The following PML variants were observed in gnomAD, a reference collection of about 807,000 sequenced individuals.
PML encodes PML nuclear body scaffold, also known as protein PML.
Under a neutral mutation model 65.2 loss-of-function variants are expected in PML, and 28 were observed. The ratio of observed to expected loss-of-function variants is 0.43; its 90% confidence interval spans 0.32 to 0.59. The LOEUF is 0.59. Among genes scored for constraint, PML ranks in the 20% least tolerant of loss-of-function variants. The pLI is 0.08. For synonymous variants in PML, 500 were observed against 508.8 expected, an observed-to-expected ratio of 0.98 and a Z score of 0.23; for missense variants, 1,021 against 1,203.4, an observed-to-expected ratio of 0.85 and a Z score of 2.24.
At chr15:74,015,020 C>G (rs1453177662) in intron 2 of PML, among the ~76,000 whole-genome samples, 1 of 152,198 alleles carries the variant, frequency 6.6e-6, no homozygotes, top group Non-Finnish European at 1.5e-5. Context: ...AAACTTTCTC[C>G]TCCCCATTCC....
At chr15:73,996,512 A>G (rs1427473701) in intron 1 of PML, among the ~76,000 whole-genome samples, 1 of 152,230 alleles carries the variant, frequency 6.6e-6, no homozygotes, top group Non-Finnish European at 1.5e-5. Flanking sequence ...TTTGGTGAAT[A>G]GAGGTTGTCT....
chr15:74,022,805 A>G, intron 2 of PML, 23 bp from the exon 3 acceptor site: 1 of 1,608,680 alleles, frequency 6.2e-7, no homozygotes, highest in Non-Finnish European at 8.5e-7. Context: ...GTCCTAACCC[A>G]GGCCAACCTT....
chr15:74,003,063 G>A (rs927009357), intron 2 of PML, among the ~76,000 whole-genome samples: 21 of 152,156 alleles, frequency 1.4e-4, no homozygotes, highest in African/African-American at 4.1e-4. Context: ...GAGCCTGTCC[G>A]TTCAAGGATG....
intron 7 of PML, among the ~76,000 whole-genome samples, chr15:74,040,613 C>T (rs542233852): frequency 6.6e-6 from 1 of 152,330 alleles, no homozygotes; most frequent in South Asian, 2.1e-4. Flanking sequence ...TGCGTCAGCA[C>T]TCCCCAGCTG....
Position 74,037,792 on chromosome 15 carries a change from G to A in PML, c.1710+3262G>A, listed in dbSNP as rs2071605799. The A allele has an allele frequency of 1.2e-6, 1 of 857,972 alleles. No individual in the cohort carries two copies. Among genetic ancestry groups the A allele is most frequent in the Non-Finnish European group, 1.4e-6 (1 of 713,656 alleles). The allele number at this position is 857,972 out of a possible 1,614,324, so 53.1% of individuals were successfully genotyped here. A position where few individuals can be genotyped will look rare whatever the true frequency, so the allele number is the denominator to read the frequency against. The stretch of plus-strand genomic sequence containing the variant: ...GTTGTGGTGCTCCTGCAGGTTTGCT[G>A]CTGGGCCCTTTCCTCTTTTCAGTCT... On this transcript the variant is annotated intron_variant, in intron 7 of 8. Transcript: ENST00000268058. This position sits in a 1 kb window ranked among gnomAD's most constrained non-coding sequence, Gnocchi z 4.2.
At position 74,044,979 on chromosome 15, in the gene PML, T is replaced by G; in HGVS notation, c.2620T>G (p.Leu874Val). Residue 874 changes from leucine (L) to valine (V), a missense_variant, in exon 9 of 9, where the codon TTG (leucine) becomes GTG (valine). Physicochemically the swap from Leu to Val is conservative, Grantham distance 32. Coordinates refer to ENST00000268058, the MANE Select transcript of PML (RefSeq NM_033238.3). ...CTCCACCCCACTTGCTGGCCGTGGC[T>G]TGGCAGAGAGGGCCTCCCAGCAGAG... ...GVSTPLAGRGLAERASQQS is the reference protein window; with the variant it reads ...GVSTPLAGRGVAERASQQS 6.2e-7 allele frequency: 1 copy of G among 1,608,290 alleles called. No homozygotes were observed. The highest frequency in any genetic ancestry group is 8.5e-7 in the Non-Finnish European group (1 of 1,178,412).
In PML at chr15:74,047,185, G is replaced by T. The variant is rs1409981541; in HGVS notation, c.*2177G>T. On this transcript the variant is annotated 3_prime_UTR_variant, in exon 9 of 9. Coordinates refer to ENST00000268058, the MANE Select transcript of PML (RefSeq NM_033238.3). ...CTCTGTGTTCCTTGAGTGACAGGTG[G>T]TAAAACCCTTAAAAAGGGAGGTGTG... The T allele has an allele frequency of 4.3e-6, 1 of 231,084 alleles. No homozygotes were observed. The highest frequency in any genetic ancestry group is 8.6e-6 in the Non-Finnish European group (1 of 116,756). 14.3% of individuals were successfully genotyped at this position (231,084 alleles called of 1,614,324 possible). A position where few individuals can be genotyped will look rare whatever the true frequency, so the allele number is the denominator to read the frequency against.
In PML at chr15:74,006,410, AG is replaced by A. The variant is rs1477930860; in HGVS notation, c.602+7935del. Among the ~76,000 whole-genome samples, 12 of 147,424 alleles carry A rather than the reference AG, an allele frequency of 8.1e-5. No homozygotes were observed. In the East Asian group the frequency reaches 1.8e-3, roughly 22 times the overall value. ...CGTCTCAAAAAAAAAAAAAAAAAAA[AG>A]AAAGAAAAACAGGAGCTTTTTAGCA... is the stretch of plus-strand genomic sequence containing the variant. On this transcript the variant is annotated intron_variant, in intron 2 of 8. Transcript: ENST00000268058.
chr15:74,042,161 C>A lies in PML; in HGVS notation c.1711-828C>A, dbSNP rs533986247. Among the ~76,000 whole-genome samples the A allele has an allele frequency of 9.8e-5, 15 of 152,338 alleles. No individual in the cohort carries two copies. In the South Asian group the frequency reaches 2.7e-3, roughly 27 times the overall value. ...GGAGCCCTTCCCTCATCCTCTGGCTCCCCACCCCATGGCTTCTCGAACAGT... is the reference window on the plus strand; with the variant it reads ...GGAGCCCTTCCCTCATCCTCTGGCTACCCACCCCATGGCTTCTCGAACAGT... On this transcript the variant is annotated intron_variant, in intron 7 of 8. Transcript: ENST00000268058. This position sits in a 1 kb window ranked among gnomAD's most constrained non-coding sequence, Gnocchi z 5.3.
At chr15:73,998,987 A>G (rs1339062285) in intron 2 of PML, among the ~76,000 whole-genome samples, 2 of 152,214 alleles carry the variant, frequency 1.3e-5, no homozygotes, top group Non-Finnish European at 2.9e-5. Flanking sequence ...AATCACATCC[A>G]GTTGTAATTA....
chr15:74,001,235 T>C (rs1056447182), intron 2 of PML, among the ~76,000 whole-genome samples: 12 of 152,198 alleles, frequency 7.9e-5, no homozygotes, highest in African/African-American at 2.9e-4. Flanking sequence ...CTTCTTTCTG[T>C]TTGATCATTT....
rs781633419 is a variant in PML, at chr15:73,998,398, G to C, written c.524G>C (p.Arg175Pro). 2.5e-6 allele frequency: 4 copies of C among 1,613,932 alleles called. No individual in the cohort carries two copies. The highest frequency in any genetic ancestry group is 2.5e-6 in the Non-Finnish European group (3 of 1,179,948). ...PLAELRNQSVREFLDGTRKTN... is the reference protein window; with the variant it reads ...PLAELRNQSVPEFLDGTRKTN... Reference sequence around the variant, plus strand: ...GCAGAGCTGCGCAACCAGTCGGTGCGTGAGTTCCTGGACGGCACCCGCAAG... The same window carrying C: ...GCAGAGCTGCGCAACCAGTCGGTGCCTGAGTTCCTGGACGGCACCCGCAAG... Residue 175 changes from arginine to proline, a missense_variant, in exon 2 of 9, where the codon CGT becomes CCT. Coordinates refer to ENST00000268058, the MANE Select transcript of PML (RefSeq NM_033238.3).
intron 2 of PML, among the ~76,000 whole-genome samples, chr15:74,012,288 GC>G (rs1289137166): frequency 1.3e-5 from 2 of 152,198 alleles, no homozygotes; most frequent in Non-Finnish European, 2.9e-5. Context: ...CAATTCTCCT[GC>G]CTCAGCATCC....
Position 74,042,256 on chromosome 15 carries a change from A to G in PML, c.1711-733A>G. On this transcript the variant is annotated intron_variant, in intron 7 of 8. Transcript: ENST00000268058. The surrounding 1 kb of genome is among the most constrained non-coding windows in gnomAD (Gnocchi z 5.3). ...GGACTCCCAAAACTCAGGTTTCTCT[A>G]AGCTGCTGGGGCAGATGCCAAGAGC... 7 of 580,046 alleles carry G rather than the reference A, an allele frequency of 1.2e-5. No homozygotes were observed. The highest frequency in any genetic ancestry group is 1.5e-5 in the Non-Finnish European group (7 of 459,528). 35.9% of individuals were successfully genotyped at this position (580,046 alleles called of 1,614,324 possible).
Position 74,037,169 on chromosome 15 carries a change from A to C in PML, c.1710+2639A>C. 1 of 985,416 alleles carries C rather than the reference A, an allele frequency of 1.0e-6. No homozygotes were observed. The highest frequency in any genetic ancestry group is 1.2e-6 in the Non-Finnish European group (1 of 829,924). The allele number at this position is 985,416 out of a possible 1,614,324, so 61.0% of individuals were successfully genotyped here. On this transcript the variant is annotated intron_variant, in intron 7 of 8. Coordinates refer to ENST00000268058, the MANE Select transcript of PML (RefSeq NM_033238.3). This position sits in a 1 kb window ranked among gnomAD's most constrained non-coding sequence, Gnocchi z 4.2. ...AGCATGTCCTTTTGCTCTGCAGGGC[A>C]GCCCCCGCCTGCCTTTCTTCACTGG...
At position 73,998,306 on chromosome 15, in the gene PML, G is replaced by A. The variant is rs1299821703; in HGVS notation, c.432G>A (p.Glu144=). ...ESADFWCFEC[E]QLLCAKCFEA... ...CCGACTTCTGGTGCTTTGAGTGCGA[G>A]CAGCTCCTCTGCGCCAAGTGCTTCG... Residue 144 remains glutamate (E), a synonymous_variant, in exon 2 of 9, where the codon GAG becomes GAA. Coordinates refer to ENST00000268058, the MANE Select transcript of PML (RefSeq NM_033238.3). 8.1e-6 allele frequency: 13 copies of A among 1,614,212 alleles called. No individual in the cohort carries two copies. The highest frequency in any genetic ancestry group is 1.1e-5 in the Non-Finnish European group (13 of 1,180,040).
chr15:74,037,826 TC>T lies in PML; in HGVS notation c.1710+3299del. On this transcript the variant is annotated intron_variant, in intron 7 of 8. Coordinates refer to ENST00000268058, the MANE Select transcript of PML (RefSeq NM_033238.3). This position sits in a 1 kb window ranked among gnomAD's most constrained non-coding sequence, Gnocchi z 4.2. ...TTTCCTCTTTTCAGTCTGTGTATTC[TC>T]CCAGGTGCTCTCAGCCACGCCCCTG... 3.4e-6 allele frequency: 2 copies of T among 590,972 alleles called. No individual in the cohort carries two copies. The highest frequency in any genetic ancestry group is 4.3e-6 in the Non-Finnish European group (2 of 469,634). 36.6% of individuals were successfully genotyped at this position (590,972 alleles called of 1,614,324 possible). A position where few individuals can be genotyped will look rare whatever the true frequency, so the allele number is the denominator to read the frequency against.
chr15:74,035,706 T>A lies in PML; in HGVS notation c.1710+1176T>A. On this transcript the variant is annotated intron_variant, in intron 7 of 8. Transcript: ENST00000268058. This position sits in a 1 kb window ranked among gnomAD's most constrained non-coding sequence, Gnocchi z 4.1. The stretch of plus-strand genomic sequence containing the variant: ...CCATTTATCCCAGTGGCTCAACAAC[T>A]TTTTTGCCCTCCCCTTCTCCTCCAT... 6.2e-7 allele frequency: 1 copy of A among 1,614,058 alleles called. No individual in the cohort carries two copies. Among genetic ancestry groups the A allele is most frequent in the East Asian group, 2.2e-5 (1 of 44,866 alleles).
At position 74,033,346 on chromosome 15, in the gene PML, G is replaced by T. The variant is rs759979414; in HGVS notation, c.1589G>T (p.Ser530Ile). ...PHLDGPPSPR[S>I]PVIGSEVFLP... ...CTGGATGGACCGCCTAGCCCCAGGA[G>T]CCCCGTCATAGGAAGTGAGGTCTTC... The change falls in exon 6 of 9, where the codon AGC becomes ATC. Residue 530 changes from serine (S) to isoleucine (I), a missense_variant. Transcript: ENST00000268058. 6 of 1,613,984 alleles carry T rather than the reference G, an allele frequency of 3.7e-6. No homozygotes were observed. The highest frequency in any genetic ancestry group is 1.7e-5 in the Admixed American group (1 of 60,008).
Sources: gnomAD v4.1 joint callset for allele counts (sites outside exome capture counted in the v4.1 genomes callset) on GRCh38, gnomAD v4.1.1 for gene constraint, Gnocchi (gnomAD v3.1) non-coding constraint, MANE v1.5 for transcripts, NCBI Gene and HGNC (gene_info 2026-07-23, HGNC 2026-07-21) for gene names.